Variants in DPP10 observed in about 807,000 individuals in gnomAD.
DPP10 encodes dipeptidyl peptidase like 10.
Under a neutral mutation model 120.9 loss-of-function variants are expected in DPP10, and 33 were observed. The ratio of observed to expected loss-of-function variants is 0.27; its 90% CI spans 0.21 to 0.37. The LOEUF (loss-of-function observed/expected upper bound fraction) is 0.37. Among genes scored for constraint, DPP10 ranks in the 10% least tolerant of loss-of-function variants. The pLI is 1.00. For synonymous variants in DPP10, 337 were observed against 326.1 expected (o/e 1.03, Z -0.36); for missense variants, 816 against 942.8 (o/e 0.87, Z 1.76).
At chr2:114,650,302 G>A (rs1466998330) in intron 1 of DPP10, among the ~76,000 whole-genome samples, 1 of 152,192 alleles carries the variant, frequency 6.6e-6, no homozygotes, top group Non-Finnish European at 1.5e-5. Context: ...CTGTTACCTT[G>A]AAGGGCAGGG....
At chr2:114,734,817 G>T (rs1407091139) in intron 1 of DPP10, among the ~76,000 whole-genome samples, 2 of 152,110 alleles carry the variant, frequency 1.3e-5, no homozygotes, top group African/African-American at 2.4e-5. Flanking sequence ...GTATGAGTTT[G>T]CTAGAACTGC....
intron 5 of DPP10, among the ~76,000 whole-genome samples, chr2:115,658,183 A>G (rs146696591): frequency 6.6e-6 from 1 of 152,178 alleles, no homozygotes; most frequent in Non-Finnish European, 1.5e-5. Flanking sequence ...AAAGTCTAGT[A>G]AATGCAACAA....
chr2:115,836,548 G>C lies in DPP10; in HGVS notation c.2092G>C (p.Glu698Gln). 1 of 1,613,730 alleles carries C rather than the reference G, an allele frequency of 6.2e-7. No homozygotes were observed. Residue 698 changes from glutamate to glutamine, a missense_variant, in exon 23 of 26, where the codon GAA (glutamate) becomes CAA (glutamine). Coordinates refer to ENST00000410059, the MANE Select transcript of DPP10 (RefSeq NM_020868.6). The part of the protein sequence containing the change: ...SERYLGMPSK[E>Q]ESTYQAASVL... ...AAGATACCTTGGGATGCCATCTAAG[G>C]AAGAAAGCACTTACCAGGTAACTAA... is the stretch of plus-strand genomic sequence containing the variant.
At chr2:115,406,834 T>G (rs1425409635) in intron 3 of DPP10, among the ~76,000 whole-genome samples, 3 of 152,036 alleles carry the variant, frequency 2.0e-5, no homozygotes, top group Non-Finnish European at 1.5e-5. Context: ...TTTCAACAAA[T>G]ATAATTGTGA....
intron 5 of DPP10, among the ~76,000 whole-genome samples, chr2:115,670,402 T>C (rs550349851): frequency 1.3e-5 from 2 of 152,104 alleles, no homozygotes; most frequent in Non-Finnish European, 2.9e-5. Flanking sequence ...CTAGTATTCA[T>C]GTTTCTCTAG....
At chr2:115,536,152 A>G (rs868136946) in intron 5 of DPP10, among the ~76,000 whole-genome samples, 55 of 152,048 alleles carry the variant, frequency 3.6e-4, no homozygotes, top group Admixed American at 5.9e-4. Context: ...GCCTCTATCC[A>G]CCTCCGTTTT....
At chr2:115,731,746 G>A (rs985946858) in intron 8 of DPP10, among the ~76,000 whole-genome samples, 1 of 152,190 alleles carries the variant, frequency 6.6e-6, no homozygotes, top group Non-Finnish European at 1.5e-5. Context: ...TCAGACTTCA[G>A]TGATCTGTTT....
chr2:115,300,410 A>G (rs934129201), intron 1 of DPP10, among the ~76,000 whole-genome samples: 1 of 151,936 alleles, frequency 6.6e-6, no homozygotes, highest in Non-Finnish European at 1.5e-5. Context: ...GATTTCCTTC[A>G]TTTTCAAAGC....
At chr2:114,902,902 G>C (rs907137303) in intron 1 of DPP10, among the ~76,000 whole-genome samples, 1 of 152,090 alleles carries the variant, frequency 6.6e-6, no homozygotes. Context: ...TATCATTATA[G>C]TTTTAAACAG....
intron 1 of DPP10, among the ~76,000 whole-genome samples, chr2:115,265,127 G>A (rs887501109): frequency 1.3e-5 from 2 of 152,052 alleles, no homozygotes; most frequent in African/African-American, 4.8e-5. Flanking sequence ...ACCTTGGGTT[G>A]AGGTCTCAAT....
At chr2:115,200,187 T>C (rs1423314288) in intron 1 of DPP10, among the ~76,000 whole-genome samples, 1 of 152,180 alleles carries the variant, frequency 6.6e-6, no homozygotes, top group African/African-American at 2.4e-5. Context: ...CTGAACTCTA[T>C]CTTCTCTGAC....
chr2:115,716,263 C>T (rs1559067104), intron 7 of DPP10, among the ~76,000 whole-genome samples: 1 of 152,168 alleles, frequency 6.6e-6, no homozygotes, highest in Non-Finnish European at 1.5e-5. Flanking sequence ...TTGCAAACAA[C>T]CCAACATGAA....
At chr2:115,662,556 C>G (rs981676989) in intron 5 of DPP10, among the ~76,000 whole-genome samples, 6 of 151,762 alleles carry the variant, frequency 4.0e-5, no homozygotes, top group Admixed American at 2.6e-4. Flanking sequence ...AACTAATCAT[C>G]AGGAAAATGC....
intron 3 of DPP10, among the ~76,000 whole-genome samples, chr2:115,473,339 G>C (rs1296500879): frequency 6.6e-6 from 1 of 152,058 alleles, no homozygotes; most frequent in Non-Finnish European, 1.5e-5. Flanking sequence ...GGGACAAGCT[G>C]GGACAGTTCC....
intron 1 of DPP10, among the ~76,000 whole-genome samples, chr2:114,844,424 A>G (rs1159719533): frequency 1.3e-5 from 2 of 151,492 alleles, no homozygotes; most frequent in Non-Finnish European, 1.5e-5. Context: ...TGACAACTTA[A>G]TCTAGTATGG....
At chr2:115,285,324 T>A (rs968484237) in intron 1 of DPP10, among the ~76,000 whole-genome samples, 2 of 152,024 alleles carry the variant, frequency 1.3e-5, no homozygotes, top group African/African-American at 4.8e-5. Context: ...GCATTGCCTG[T>A]AATATTGGAA....
chr2:115,286,860 A>C (rs2060426366), intron 1 of DPP10, among the ~76,000 whole-genome samples: 1 of 151,940 alleles, frequency 6.6e-6, no homozygotes, highest in South Asian at 2.1e-4. Context: ...AAATCCTTGA[A>C]AAGGAATTTC....
intron 1 of DPP10, among the ~76,000 whole-genome samples, chr2:114,863,175 G>A (rs1689961742): frequency 6.6e-6 from 1 of 152,162 alleles, no homozygotes; most frequent in Admixed American, 6.5e-5. Flanking sequence ...CCTTGAAACA[G>A]GTATTCCATG....
In DPP10 at chr2:115,225,518, T is replaced by C. The variant is rs557924035; in HGVS notation, c.61-83721T>C. ...ATGTGTGTGTGTGTGTGTGCGTGTGTGTGTGTGTGTGTATGCATGTATATC... is the reference window on the plus strand; with the variant it reads ...ATGTGTGTGTGTGTGTGTGCGTGTGCGTGTGTGTGTGTATGCATGTATATC... On this transcript the variant is annotated intron_variant, in intron 1 of 25. Coordinates refer to ENST00000410059, the MANE Select transcript of DPP10 (RefSeq NM_020868.6). 4.2e-4 allele frequency among the ~76,000 whole-genome samples: 64 copies of C among 151,892 alleles called. No individual in the cohort carries two copies. The Middle Eastern group carries it at 0.01, about 24-fold the overall frequency.
Sources: allele counts gnomAD v4.1 joint callset (sites outside exome capture counted in the v4.1 genomes callset), GRCh38; gene constraint gnomAD v4.1.1; transcripts MANE v1.5; gene names NCBI Gene and HGNC (gene_info 2026-07-23, HGNC 2026-07-21).